Variants in KIAA1549L observed in about 807,000 individuals in gnomAD.
The protein encoded by KIAA1549L is KIAA1549 like.
A neutral mutation model predicts 160.7 loss-of-function variants in KIAA1549L; 88 were observed. That is an observed-to-expected ratio of 0.55 (90% CI 0.46 to 0.65). The LOEUF is 0.65. Ranked by LOEUF, KIAA1549L falls within the 30% of genes least tolerant of loss-of-function variation. The pLI, the probability that KIAA1549L is intolerant of heterozygous loss-of-function variation, is 0.00. For synonymous variants in KIAA1549L, 950 were observed against 976.7 expected, an observed-to-expected ratio of 0.97 and a Z score of 0.51; for missense variants, 2,258 against 2,437.5, an observed-to-expected ratio of 0.93 and a Z score of 1.55.
chr11:33,398,963 T>C (rs1162590289), intron 1 of KIAA1549L, among the ~76,000 whole-genome samples: 1 of 151,866 alleles, frequency 6.6e-6, no homozygotes, highest in East Asian at 1.9e-4. Flanking sequence ...TTTTTTTTTT[T>C]TTCTTTTGAA....
chr11:33,442,503 A>G (rs1386882867), intron 1 of KIAA1549L, among the ~76,000 whole-genome samples: 1 of 152,186 alleles, frequency 6.6e-6, no homozygotes, highest in Non-Finnish European at 1.5e-5. Context: ...CTCTTTGAAG[A>G]TGTATTTTTC....
chr11:33,466,232 G>A (rs1346433059), intron 1 of KIAA1549L, among the ~76,000 whole-genome samples: 1 of 151,974 alleles, frequency 6.6e-6, no homozygotes, highest in Non-Finnish European at 1.5e-5. Flanking sequence ...TCTGACAAAG[G>A]GCTCATATCC....
chr11:33,540,114 G>T (rs1853981999), intron 1 of KIAA1549L, among the ~76,000 whole-genome samples: 1 of 152,098 alleles, frequency 6.6e-6, no homozygotes, highest in Non-Finnish European at 1.5e-5. Context: ...CAGATCCCTT[G>T]GTATTAGCCC....
At chr11:33,453,351 A>G (rs922199514) in intron 1 of KIAA1549L, among the ~76,000 whole-genome samples, 1 of 152,202 alleles carries the variant, frequency 6.6e-6, no homozygotes, top group Non-Finnish European at 1.5e-5. Flanking sequence ...GGTAATAATT[A>G]GCAAAGTAAG....
At chr11:33,503,296 A>G (rs895129329) in intron 1 of KIAA1549L, among the ~76,000 whole-genome samples, 1 of 152,208 alleles carries the variant, frequency 6.6e-6, no homozygotes, top group African/African-American at 2.4e-5. Flanking sequence ...ATCATTGTAT[A>G]CTATTCTATT....
At chr11:33,550,645 A>G (rs1854427735) in intron 4 of KIAA1549L, among the ~76,000 whole-genome samples, 1 of 152,154 alleles carries the variant, frequency 6.6e-6, no homozygotes, top group Admixed American at 6.5e-5. Context: ...TATCATTTCT[A>G]CCTTTTAATT....
chr11:33,646,626 C>T (rs1313924303), intron 17 of KIAA1549L, among the ~76,000 whole-genome samples: 1 of 152,206 alleles, frequency 6.6e-6, no homozygotes, highest in African/African-American at 2.4e-5. Context: ...AAAGACTCTG[C>T]AAAAATCACA....
intron 9 of KIAA1549L, among the ~76,000 whole-genome samples, chr11:33,572,034 A>T (rs983502869): frequency 3.4e-5 from 5 of 147,878 alleles, no homozygotes; most frequent in African/African-American, 1.3e-4. Context: ...ACATTTTATT[A>T]TGAACTTTTT....
intron 1 of KIAA1549L, among the ~76,000 whole-genome samples, chr11:33,444,630 T>C (rs778730455): frequency 5.3e-5 from 8 of 152,260 alleles, no homozygotes; most frequent in Non-Finnish European, 1.2e-4. Context: ...AAAGATGAAC[T>C]GTCCTTGCTT....
chr11:33,529,259 C>G (rs972387636), intron 1 of KIAA1549L, among the ~76,000 whole-genome samples: 1 of 151,632 alleles, frequency 6.6e-6, no homozygotes, highest in Non-Finnish European at 1.5e-5. Flanking sequence ...CATCTGAGCC[C>G]AGGAGGTTGA....
chr11:33,578,237 C>T (rs1248429033), intron 10 of KIAA1549L, among the ~76,000 whole-genome samples: 1 of 152,118 alleles, frequency 6.6e-6, no homozygotes, highest in Admixed American at 6.5e-5. Context: ...CTCATGGAGG[C>T]TTTTCGGAGT....
intron 1 of KIAA1549L, among the ~76,000 whole-genome samples, chr11:33,459,519 A>G (rs953411788): frequency 2.0e-5 from 3 of 152,170 alleles, no homozygotes; most frequent in Non-Finnish European, 4.4e-5. Flanking sequence ...ACGGTGTCCT[A>G]TTAGCAGGAT....
intron 1 of KIAA1549L, among the ~76,000 whole-genome samples, chr11:33,458,286 A>G (rs1851871357): frequency 6.6e-6 from 1 of 152,224 alleles, no homozygotes; most frequent in Non-Finnish European, 1.5e-5. Flanking sequence ...TGCTTTAATA[A>G]TTTGTTTTAA....
chr11:33,476,075 A>C (rs1313870021), intron 1 of KIAA1549L, among the ~76,000 whole-genome samples: 1 of 152,214 alleles, frequency 6.6e-6, no homozygotes, highest in East Asian at 1.9e-4. Flanking sequence ...TGGTCTGGGC[A>C]ATAGCCCGTG....
Position 33,592,238 on chromosome 11 carries a change from C to A in KIAA1549L, c.4751+817C>A, listed in dbSNP as rs77586555. Among the ~76,000 whole-genome samples the A allele has an allele frequency of 9.3e-4, 142 of 152,274 alleles. 2 individuals carry two copies. In the East Asian group the frequency reaches 0.026, roughly 28 times the overall value. On this transcript the variant is annotated intron_variant, in intron 12 of 20. Coordinates refer to ENST00000658780, the MANE Select transcript of KIAA1549L (RefSeq NM_012194.3). The stretch of plus-strand genomic sequence containing the variant: ...ATTTTGGAAAGTCTTGACTGCCTGG[C>A]AAGGCATCTGACCTTTATTATCTAG...
intron 12 of KIAA1549L, among the ~76,000 whole-genome samples, chr11:33,592,975 A>G (rs960311413): frequency 1.3e-5 from 2 of 152,228 alleles, no homozygotes; most frequent in Admixed American, 1.3e-4. Flanking sequence ...GGCATGAACT[A>G]GGGAGGAAGT....
intron 1 of KIAA1549L, among the ~76,000 whole-genome samples, chr11:33,541,147 T>C (rs1854011335): frequency 6.6e-6 from 1 of 152,198 alleles, no homozygotes; most frequent in Non-Finnish European, 1.5e-5. Flanking sequence ...TGAGTGTTGA[T>C]ATTTCTGGCC....
chr11:33,614,569 TATATATATATATATA>T (rs1317971313), intron 15 of KIAA1549L, among the ~76,000 whole-genome samples: 34 of 20,354 alleles, frequency 1.7e-3, no homozygotes, highest in African/African-American at 7.7e-3. Context: ...TATATATATA[TATATATATATATATA>T]TTTTTTTTTT....
Position 33,650,622 on chromosome 11 carries a change from T to G in KIAA1549L, c.5760+4586T>G, listed in dbSNP as rs190632949. 3.7e-3 allele frequency among the ~76,000 whole-genome samples: 563 copies of G among 152,272 alleles called. 2 individuals carry two copies. The highest frequency in any genetic ancestry group is 0.01 in the Middle Eastern group (3 of 294). Reference sequence around the variant, plus strand: ...CCCGTCCAGGCAGAGCATAGCCGTATCCTCTTTCTCCTACTCAACACGCCG... The same window carrying G: ...CCCGTCCAGGCAGAGCATAGCCGTAGCCTCTTTCTCCTACTCAACACGCCG... On this transcript the variant is annotated intron_variant, in intron 17 of 20. Coordinates refer to ENST00000658780, the MANE Select transcript of KIAA1549L (RefSeq NM_012194.3).
Sources: gnomAD v4.1 joint callset for allele counts (sites outside exome capture counted in the v4.1 genomes callset) on GRCh38, gnomAD v4.1.1 for gene constraint, MANE v1.5 for transcripts, NCBI Gene and HGNC (gene_info 2026-07-23, HGNC 2026-07-21) for gene names.